Variants in DYNC2I1 observed in about 807,000 individuals in gnomAD.
DYNC2I1 encodes the protein cytoplasmic dynein 2 intermediate chain 1.
Under a neutral mutation model 133.4 loss-of-function variants are expected in DYNC2I1, and 89 were observed. That is an observed-to-expected ratio of 0.67 (90% CI 0.56 to 0.80). The LOEUF is 0.80. Among genes scored for constraint, DYNC2I1 ranks in the 30% least tolerant of loss-of-function variants. The pLI, the probability that DYNC2I1 is intolerant of heterozygous loss-of-function variation, is 0.00. For synonymous variants in DYNC2I1, 504 were observed against 484.3 expected, an observed-to-expected ratio of 1.04 and a Z score of -0.54; for missense variants, 1,291 against 1,314.5, an observed-to-expected ratio of 0.98 and a Z score of 0.28.
intron 16 of DYNC2I1, 121 bp from the exon 17 acceptor site, chr7:158,923,450 C>G (rs774033206): frequency 1.5e-6 from 2 of 1,311,220 alleles, no homozygotes; most frequent in Admixed American, 1.9e-5. Context: ...CTTACTGGGC[C>G]CTGCAGGTGA....
chr7:158,915,851 A>T (rs113299654), intron 14 of DYNC2I1, among the ~76,000 whole-genome samples: 2 of 116,934 alleles, frequency 1.7e-5, no homozygotes, highest in East Asian at 3.8e-4. Flanking sequence ...ACGCTGGTTG[A>T]CATTAAGGAT....
rs928010292 is a variant in DYNC2I1, at chr7:158,906,194, GT to G, written c.1460+109del. On this transcript the variant is annotated intron_variant, in intron 11 of 24. Transcript: ENST00000407559. ...AGTTTTAAAATGCATTTTTACTACT[GT>G]TTTTTGGGGTGTATGACTTAATTTG... 2.6e-5 allele frequency: 25 copies of G among 973,504 alleles called. 1 individual carries two copies. In the Admixed American group the frequency reaches 4.4e-4, roughly 17 times the overall value. 60.3% of individuals were successfully genotyped at this position (973,504 alleles called of 1,614,324 possible).
chr7:158,854,506 G>C (rs116851036), upstream of DYNC2I1, among the ~76,000 whole-genome samples: 20 of 150,906 alleles, frequency 1.3e-4, no homozygotes, highest in South Asian at 4.2e-4. Context: ...TGTCGGGGGG[G>C]GCTGGGGGAT....
At chr7:158,921,676 A>G (rs1392355041) in intron 15 of DYNC2I1, among the ~76,000 whole-genome samples, 4 of 151,984 alleles carry the variant, frequency 2.6e-5, no homozygotes, top group African/African-American at 4.8e-5. Context: ...CAGGATGTGA[A>G]CTGAGGGGCT....
chr7:158,941,793 G>C, intron 23 of DYNC2I1, 132 bp from the exon 24 acceptor site: 1 of 991,774 alleles, frequency 1.0e-6, no homozygotes, highest in Non-Finnish European at 1.5e-6. Flanking sequence ...CAGGAGGATT[G>C]ATTGAGCCCG....
intron 7 of DYNC2I1, among the ~76,000 whole-genome samples, chr7:158,890,056 C>T (rs1845051844): frequency 6.6e-6 from 1 of 151,128 alleles, no homozygotes; most frequent in Non-Finnish European, 1.5e-5. Flanking sequence ...CTCTGTTGCC[C>T]AGGCTGGTCT....
chr7:158,856,997 C>G (rs767623403), intron 1 of DYNC2I1, among the ~76,000 whole-genome samples: 16 of 152,042 alleles, frequency 1.1e-4, no homozygotes, highest in Non-Finnish European at 5.9e-5. Context: ...CAGCCTCAGG[C>G]CTGGGGTCGC....
At chr7:158,886,733 A>T (rs889784231) in intron 6 of DYNC2I1, among the ~76,000 whole-genome samples, 2 of 152,112 alleles carry the variant, frequency 1.3e-5, no homozygotes, top group African/African-American at 4.8e-5. Flanking sequence ...CCTCCCAAGT[A>T]GCTGAGACTA....
rs140852796 is a variant in DYNC2I1, at chr7:158,864,040, C to T, written c.16-5815C>T. On this transcript the variant is annotated intron_variant, in intron 1 of 24. Coordinates refer to ENST00000407559, the MANE Select transcript of DYNC2I1 (RefSeq NM_018051.5). ...GGGACGTCCTTAGCTCTGGGTGTGG[C>T]GGGGTGGGGAGCGGGAAGTCCTTAG... 4.5e-3 allele frequency among the ~76,000 whole-genome samples: 196 copies of T among 43,658 alleles called. 2 individuals carry two copies. The highest frequency in any genetic ancestry group is 0.016 in the African/African-American group (173 of 11,060). 28.6% of individuals were successfully genotyped at this position (43,658 alleles called of 152,430 possible).
At chr7:158,921,406 C>T (rs1042349158) in intron 15 of DYNC2I1, among the ~76,000 whole-genome samples, 6 of 152,086 alleles carry the variant, frequency 3.9e-5, no homozygotes, top group African/African-American at 1.2e-4. Flanking sequence ...AGGAGGTACA[C>T]GTTCCTAAAA....
Position 158,871,130 on chromosome 7 carries a change from C to G in DYNC2I1, c.70-12C>G, listed in dbSNP as rs550053744. ...TCCTGGTCACGGAGGACCCTTTGTTCTCTTGTTTCAGGCCATACAGTCAGG... is the reference window on the plus strand; with the variant it reads ...TCCTGGTCACGGAGGACCCTTTGTTGTCTTGTTTCAGGCCATACAGTCAGG... On this transcript the variant is annotated splice_polypyrimidine_tract_variant and intron_variant, in intron 2 of 24. Transcript: ENST00000407559. 2 of 1,603,064 alleles carry G rather than the reference C, an allele frequency of 1.2e-6. No homozygotes were observed. The highest frequency in any genetic ancestry group is 2.2e-5 in the South Asian group (2 of 89,484).
downstream of DYNC2I1, among the ~76,000 whole-genome samples, chr7:158,950,306 C>A (rs1026447040): frequency 4.6e-5 from 7 of 152,194 alleles, no homozygotes; most frequent in African/African-American, 1.7e-4. Flanking sequence ...CTCAAGTGAT[C>A]TGCCCACCTT....
At chr7:158,915,284 G>C (rs1185634392) in intron 14 of DYNC2I1, among the ~76,000 whole-genome samples, 2 of 152,192 alleles carry the variant, frequency 1.3e-5, no homozygotes, top group African/African-American at 4.8e-5. Context: ...CACGGTGGTT[G>C]AGATTAAGGA....
downstream of DYNC2I1, among the ~76,000 whole-genome samples, chr7:158,947,631 T>C (rs1365830531): frequency 2.0e-5 from 3 of 152,180 alleles, no homozygotes; most frequent in Non-Finnish European, 4.4e-5. Flanking sequence ...ACAGTGCTGC[T>C]CCTTTAGGGG....
intron 17 of DYNC2I1, among the ~76,000 whole-genome samples, chr7:158,925,875 G>C (rs1013704690): frequency 1.3e-5 from 2 of 151,240 alleles, no homozygotes; most frequent in Non-Finnish European, 3.0e-5. Flanking sequence ...GACTTTCTCT[G>C]TCTGAGTTTT....
intron 6 of DYNC2I1, 96 bp downstream of exon 6, chr7:158,884,715 A>G (rs1256054974): frequency 6.1e-6 from 8 of 1,306,482 alleles, no homozygotes; most frequent in African/African-American, 1.5e-5. Context: ...CGGCCAGTCC[A>G]TGGCAATCAG....
intron 7 of DYNC2I1, among the ~76,000 whole-genome samples, chr7:158,888,706 G>C (rs936766339): frequency 6.6e-6 from 1 of 151,068 alleles, no homozygotes; most frequent in African/African-American, 2.4e-5. Flanking sequence ...CTGACCTTAG[G>C]TGATCCACCT....
chr7:158,942,100 T>C lies in DYNC2I1; in HGVS notation c.2954T>C (p.Leu985Pro). ...TCCAACATCTACATCTGGGACCTCCTCCAGAGCGATCTGGGTCCTGTCGCC... is the reference window on the plus strand; with the variant it reads ...TCCAACATCTACATCTGGGACCTCCCCCAGAGCGATCTGGGTCCTGTCGCC... ...DTSNIYIWDL[L>P]QSDLGPVAKQ... Residue 985 changes from leucine to proline, a missense_variant, in exon 24 of 25, where the codon CTC becomes CCC. Leu to Pro is a moderately conservative substitution (Grantham distance 98). Transcript: ENST00000407559. 1 of 1,598,400 alleles carries C rather than the reference T, an allele frequency of 6.3e-7. No homozygotes were observed. The highest frequency in any genetic ancestry group is 8.5e-7 in the Non-Finnish European group (1 of 1,170,856).
intron 1 of DYNC2I1, among the ~76,000 whole-genome samples, chr7:158,865,990 A>T (rs1007453803): frequency 2.0e-5 from 3 of 152,168 alleles, no homozygotes; most frequent in African/African-American, 7.2e-5. Flanking sequence ...CATTTAAGAA[A>T]ATGGCTGTTA....
Sources: allele counts gnomAD v4.1 joint callset (sites outside exome capture counted in the v4.1 genomes callset), GRCh38; gene constraint gnomAD v4.1.1; transcripts MANE v1.5; gene names NCBI Gene and HGNC (gene_info 2026-07-23, HGNC 2026-07-21).